The following TSPAN18 variants were observed in gnomAD, a reference collection of about 807,000 sequenced individuals.
The protein encoded by TSPAN18 is tetraspanin 18.
In TSPAN18, 14 loss-of-function variants were observed where a neutral mutation model predicts 27.3. The observed-to-expected ratio is 0.51, with a 90% confidence interval of 0.34 to 0.80. TSPAN18 has a LOEUF of 0.80. Among genes scored for constraint, TSPAN18 ranks in the 30% least tolerant of loss-of-function variants. The pLI is 0.01. For synonymous variants in TSPAN18, 143 were observed against 136.5 expected (o/e 1.05, Z -0.33); for missense variants, 268 against 323.9 (o/e 0.83, Z 1.32).
chr11:44,849,969 C>T (rs946810482), intron 2 of TSPAN18, among the ~76,000 whole-genome samples: 3 of 152,258 alleles, frequency 2.0e-5, no homozygotes, highest in South Asian at 2.1e-4. Flanking sequence ...ATAGGGAGAC[C>T]GTCCCAGGAT....
Position 44,903,063 on chromosome 11 carries a change from G to T in TSPAN18, c.-10-3344G>T, listed in dbSNP as rs563574904. Among the ~76,000 whole-genome samples, 118 of 152,194 alleles carry T rather than the reference G, an allele frequency of 7.8e-4. 5 individuals carry two copies. The South Asian group carries it at 0.024, about 31-fold the overall frequency. On this transcript the variant is annotated intron_variant, in intron 3 of 9. Transcript: ENST00000520358. ...CCCAGGAGGGCACAGCCACGACTCT[G>T]CTCCTCTGGGATTCACCAGGAACGC...
chr11:44,740,149 T>C (rs1854898283), intron 1 of TSPAN18, among the ~76,000 whole-genome samples: 1 of 152,218 alleles, frequency 6.6e-6, no homozygotes, highest in African/African-American at 2.4e-5. Flanking sequence ...GCCCCTTGCC[T>C]ATCTCTGCTT....
At chr11:44,773,416 C>CAAAA (rs143838540) in intron 2 of TSPAN18, among the ~76,000 whole-genome samples, 18 of 149,986 alleles carry the variant, frequency 1.2e-4, no homozygotes, top group African/African-American at 4.4e-4. Context: ...AACTCCATCT[C>CAAAA]AAAAAAAAAC....
At chr11:44,785,366 C>A (rs1449119871) in intron 2 of TSPAN18, among the ~76,000 whole-genome samples, 2 of 152,142 alleles carry the variant, frequency 1.3e-5, no homozygotes, top group South Asian at 2.1e-4. Flanking sequence ...TTTATATATT[C>A]GTTCGGCAAA....
intron 8 of TSPAN18, among the ~76,000 whole-genome samples, chr11:44,924,147 C>T (rs1860258481): frequency 7.5e-6 from 1 of 133,472 alleles, no homozygotes; most frequent in South Asian, 2.4e-4. Context: ...ATTGCAGTGA[C>T]ACCCAACTCT....
Position 44,918,679 on chromosome 11 carries a change from C to T in TSPAN18, c.334-535C>T, listed in dbSNP as rs75646068. Among the ~76,000 whole-genome samples the T allele has an allele frequency of 2.0e-3, 300 of 152,210 alleles. 1 individual carries two copies. The highest frequency in any genetic ancestry group is 6.9e-3 in the African/African-American group (288 of 41,544). Reference sequence around the variant, plus strand: ...GAGGCCACCACAGCCTGTGAGCAGACAATGGTGCCCAGATGGTCTCCTCTG... The same window carrying T: ...GAGGCCACCACAGCCTGTGAGCAGATAATGGTGCCCAGATGGTCTCCTCTG... On this transcript the variant is annotated intron_variant, in intron 6 of 9. Coordinates refer to ENST00000520358, the MANE Select transcript of TSPAN18 (RefSeq NM_130783.5).
At chr11:44,811,460 AT>A (rs11326558) in intron 2 of TSPAN18, among the ~76,000 whole-genome samples, 123,165 of 132,796 alleles carry the variant, frequency 0.93, 57,255 homozygotes, top group South Asian at 0.99. Context: ...ACATTTTAGG[AT>A]TTTTTTTTTT....
chr11:44,868,632 G>T (rs1251473068), intron 3 of TSPAN18, among the ~76,000 whole-genome samples: 1 of 152,192 alleles, frequency 6.6e-6, no homozygotes, highest in Non-Finnish European at 1.5e-5. Flanking sequence ...CCAGGATCAG[G>T]GCTCTTGCTT....
chr11:44,808,474 C>A (rs552746129), intron 2 of TSPAN18, among the ~76,000 whole-genome samples: 19 of 152,328 alleles, frequency 1.2e-4, no homozygotes, highest in African/African-American at 3.8e-4. Flanking sequence ...AGGCTCTGCT[C>A]ATTTCCCCTG....
chr11:44,832,602 C>T (rs1251935507), intron 2 of TSPAN18, among the ~76,000 whole-genome samples: 1 of 152,230 alleles, frequency 6.6e-6, no homozygotes, highest in African/African-American at 2.4e-5. Context: ...TCCCAAACTG[C>T]CACTGCCCCG....
chr11:44,735,909 C>T (rs1248618614), intron 1 of TSPAN18, among the ~76,000 whole-genome samples: 1 of 152,092 alleles, frequency 6.6e-6, no homozygotes, highest in Non-Finnish European at 1.5e-5. Flanking sequence ...GAGCCACCAG[C>T]GCCCAGCCAT....
At chr11:44,732,051 T>G (rs1854673837) in intron 1 of TSPAN18, among the ~76,000 whole-genome samples, 1 of 152,274 alleles carries the variant, frequency 6.6e-6, no homozygotes, top group African/African-American at 2.4e-5. Context: ...TATGTCTGGC[T>G]GGCCCTGAAT....
intron 3 of TSPAN18, among the ~76,000 whole-genome samples, chr11:44,903,089 T>A (rs11038197): frequency 0.18 from 27,639 of 151,886 alleles, 2,751 homozygotes; most frequent in Middle Eastern, 0.3. Flanking sequence ...CCAGGAACGC[T>A]GGCTGATGAT....
chr11:44,778,689 A>G (rs1413364567), intron 2 of TSPAN18, among the ~76,000 whole-genome samples: 4 of 152,142 alleles, frequency 2.6e-5, no homozygotes, highest in Admixed American at 2.6e-4. Context: ...CTTTCCATTA[A>G]GCGTGTGTGC....
intron 9 of TSPAN18, among the ~76,000 whole-genome samples, chr11:44,927,672 CA>C (rs1413174334): frequency 6.6e-6 from 1 of 152,184 alleles, no homozygotes; most frequent in African/African-American, 2.4e-5. Context: ...TATAGTTGAA[CA>C]AGTCCCCTCA....
chr11:44,735,153 G>A lies in TSPAN18; in HGVS notation c.-240+7866G>A, dbSNP rs540567739. ...AAGAGTGTAGCCTTCCCCTGCAGCT[G>A]GATTTATGCTGACTCAGGCACGGAG... is the stretch of plus-strand genomic sequence containing the variant. On this transcript the variant is annotated intron_variant, in intron 1 of 9. Coordinates refer to ENST00000520358, the MANE Select transcript of TSPAN18 (RefSeq NM_130783.5). Among the ~76,000 whole-genome samples, 5 of 152,314 alleles carry A rather than the reference G, an allele frequency of 3.3e-5. No individual in the cohort carries two copies. In the South Asian group the frequency reaches 1.0e-3, roughly 32 times the overall value.
intron 3 of TSPAN18, among the ~76,000 whole-genome samples, chr11:44,880,453 T>A (rs1858458626): frequency 6.6e-6 from 1 of 152,174 alleles, no homozygotes; most frequent in Non-Finnish European, 1.5e-5. Context: ...GATAGTGATG[T>A]TATTAGCAGT....
intron 5 of TSPAN18, among the ~76,000 whole-genome samples, chr11:44,917,266 T>C (rs189117292): frequency 6.6e-6 from 1 of 152,270 alleles, no homozygotes; most frequent in Non-Finnish European, 1.5e-5. Flanking sequence ...GAGGAACTGG[T>C]GGGCAAGGAA....
intron 3 of TSPAN18, among the ~76,000 whole-genome samples, chr11:44,866,863 C>G (rs1427497516): frequency 2.6e-5 from 4 of 152,208 alleles, no homozygotes; most frequent in Non-Finnish European, 2.9e-5. Context: ...GACCCAAAGA[C>G]TTGGCCACCA....
Sources: allele counts gnomAD v4.1 joint callset (sites outside exome capture counted in the v4.1 genomes callset), GRCh38; gene constraint gnomAD v4.1.1; transcripts MANE v1.5; gene names NCBI Gene and HGNC (gene_info 2026-07-23, HGNC 2026-07-21).